The following ATOX1 variants were observed in gnomAD, a reference collection of about 807,000 sequenced individuals.
ATOX1 encodes the protein antioxidant 1 copper chaperone.
A neutral mutation model predicts 7.3 loss-of-function variants in ATOX1; 4 were observed. The ratio of observed to expected loss-of-function variants is 0.55; its 90% CI spans 0.27 to 1.25. ATOX1 has a LOEUF of 1.25. Ranked by LOEUF, ATOX1 falls within the 50% of genes most tolerant of loss-of-function variation. The pLI is 0.12. For missense variants in ATOX1, 68 were observed against 81.6 expected, an observed-to-expected ratio of 0.83 and a Z score of 0.64; for synonymous variants, 25 against 28.7, an observed-to-expected ratio of 0.87 and a Z score of 0.41.
At chr5:151,755,296 A>G (rs1345278888) in intron 1 of ATOX1, among the ~76,000 whole-genome samples, 1 of 152,216 alleles carries the variant, frequency 6.6e-6, no homozygotes, top group African/African-American at 2.4e-5. Flanking sequence ...TTTGTACAGT[A>G]TCTAAGTTAG....
intron 2 of ATOX1, among the ~76,000 whole-genome samples, chr5:151,751,229 C>G (rs117636362): frequency 0.018 from 2,496 of 140,958 alleles, 35 homozygotes; most frequent in South Asian, 0.073. Flanking sequence ...GCACTCCAGG[C>G]TGAGCAAGAA....
chr5:151,752,206 T>C, intron 1 of ATOX1: 1 of 701,716 alleles, frequency 1.4e-6, no homozygotes, highest in Non-Finnish European at 2.6e-6. Flanking sequence ...ACAAAATTAT[T>C]TTCTGCACTA....
intron 1 of ATOX1, among the ~76,000 whole-genome samples, chr5:151,754,980 CAAAAAA>C (rs79359321): frequency 1.4e-4 from 7 of 48,892 alleles, no homozygotes; most frequent in African/African-American, 3.6e-4. Context: ...AGACACCGTC[CAAAAAA>C]AAAAAAAAAA....
In ATOX1 at chr5:151,751,810, A is replaced by C. The variant is rs752186915; in HGVS notation, c.7-31T>G. The C allele has an allele frequency of 1.9e-6, 3 of 1,578,146 alleles. No homozygotes were observed. The African/African-American group carries it at 4.1e-5, about 21-fold the overall frequency. On this transcript the variant is annotated intron_variant, in intron 1 of 3. Transcript: ENST00000313115. ...ACAAACACAGGGGGACCATGACCCG[A>C]GCCCTGTAGAGTGACCCCCACACAG...
chr5:151,748,663 A>G (rs1337585458), intron 2 of ATOX1, among the ~76,000 whole-genome samples: 1 of 152,062 alleles, frequency 6.6e-6, no homozygotes, highest in Non-Finnish European at 1.5e-5. Context: ...GAAGTTCAAG[A>G]CCAGCCTGGC....
intron 1 of ATOX1, chr5:151,752,210 T>C (rs759434127): frequency 5.7e-6 from 4 of 701,748 alleles, no homozygotes; most frequent in South Asian, 1.5e-5. Context: ...AATTATTTTC[T>C]GCACTAGAGT....
chr5:151,743,162 C>G (rs1761841256), intron 3 of ATOX1: 1 of 152,270 alleles, frequency 6.6e-6, no homozygotes, highest in South Asian at 2.1e-4. Context: ...GCCCTGCACA[C>G]TGCTCCCATG....
chr5:151,751,808 C>G lies in ATOX1; in HGVS notation c.7-29G>C, dbSNP rs751218130. 31 of 1,583,092 alleles carry G rather than the reference C, an allele frequency of 2.0e-5. No homozygotes were observed. In the East Asian group the frequency reaches 7.2e-4, roughly 37 times the overall value. ...AAACAAACACAGGGGGACCATGACC[C>G]GAGCCCTGTAGAGTGACCCCCACAC... On this transcript the variant is annotated intron_variant, in intron 1 of 3. Transcript: ENST00000313115.
chr5:151,745,231 A>AG (rs1026870474), intron 3 of ATOX1: 1 of 152,120 alleles, frequency 6.6e-6, no homozygotes, highest in African/African-American at 2.4e-5. Flanking sequence ...GCCTCTGTCC[A>AG]GGGGGTCTCT....
At chr5:151,758,400 G>A (rs1280724988) in intron 1 of ATOX1, 146 bp downstream of exon 1, 11 of 1,283,462 alleles carry the variant, frequency 8.6e-6, no homozygotes, top group Non-Finnish European at 1.1e-5. Flanking sequence ...GCAAAAGCTG[G>A]GGGCTGGGTG....
chr5:151,743,699 T>C (rs537874426), intron 3 of ATOX1: 1 of 152,344 alleles, frequency 6.6e-6, no homozygotes, highest in East Asian at 1.9e-4. Context: ...ATGAGGACAG[T>C]GGAGTTTCTA....
chr5:151,747,368 C>T (rs759445655), intron 2 of ATOX1, among the ~76,000 whole-genome samples: 21 of 151,952 alleles, frequency 1.4e-4, no homozygotes, highest in South Asian at 2.1e-4. Context: ...TCACTGTATC[C>T]TTGAATACCT....
chr5:151,745,132 A>G (rs1761865740), intron 3 of ATOX1: 1 of 152,234 alleles, frequency 6.6e-6, no homozygotes, highest in African/African-American at 2.4e-5. Context: ...GTTACCACAT[A>G]CACAGAACAC....
rs1351300862 is a variant in ATOX1, at chr5:151,751,727, G to C, written c.59C>G (p.Ser20Cys). 1.9e-6 allele frequency: 3 copies of C among 1,608,890 alleles called. No individual in the cohort carries two copies. Among genetic ancestry groups the C allele is most frequent in the Non-Finnish European group, 2.5e-6 (3 of 1,177,878 alleles). ...MTCGGCAEAV[S>C]RVLNKLGGVK... Reference sequence around the variant, plus strand: ...ACCTCCAAGCTTATTGAGGACCCGAGAGACAGCTTCAGCACAGCCTCCACA... The same window carrying C: ...ACCTCCAAGCTTATTGAGGACCCGACAGACAGCTTCAGCACAGCCTCCACA... Residue 20 changes from serine to cysteine, a missense_variant, in exon 2 of 4, where the codon TCT (serine) becomes TGT (cysteine). Physicochemically the swap from Ser to Cys is moderately radical, Grantham distance 112 (BLOSUM62 -1). Transcript: ENST00000313115.
intron 1 of ATOX1, chr5:151,752,006 C>A: frequency 1.7e-6 from 1 of 599,088 alleles, no homozygotes. Context: ...CCCTATAAAT[C>A]CTTTAGCAGT....
At chr5:151,752,404 A>C in intron 1 of ATOX1, 1 of 700,720 alleles carries the variant, frequency 1.4e-6, no homozygotes, top group South Asian at 1.5e-5. Flanking sequence ...GCCAGGCAGG[A>C]AGGGATCCCC....
chr5:151,752,953 G>T (rs148618477), intron 1 of ATOX1, among the ~76,000 whole-genome samples: 2 of 152,272 alleles, frequency 1.3e-5, no homozygotes, highest in Non-Finnish European at 2.9e-5. Flanking sequence ...TGGTCTGTGT[G>T]TCTTATAGAA....
intron 3 of ATOX1, chr5:151,743,295 G>C (rs28917221): frequency 6.6e-6 from 1 of 152,202 alleles, no homozygotes; most frequent in Admixed American, 6.5e-5. Context: ...TCTCTATCCT[G>C]TTACAGGTTG....
chr5:151,749,140 A>G (rs1761912466), intron 2 of ATOX1, among the ~76,000 whole-genome samples: 1 of 152,110 alleles, frequency 6.6e-6, no homozygotes, highest in Non-Finnish European at 1.5e-5. Context: ...TCCCCACTTC[A>G]TCCAGAGCCT....
Sources: gnomAD v4.1 joint callset for allele counts (sites outside exome capture counted in the v4.1 genomes callset) on GRCh38, gnomAD v4.1.1 for gene constraint, MANE v1.5 for transcripts, NCBI Gene and HGNC (gene_info 2026-07-23, HGNC 2026-07-21) for gene names.